The following COL11A1 variants were observed in gnomAD, a reference collection of about 807,000 sequenced individuals.
COL11A1 encodes collagen alpha-1(XI) chain.
Under a neutral mutation model 265.2 loss-of-function variants are expected in COL11A1, and 74 were observed. The ratio of observed to expected loss-of-function variants is 0.28; its 90% confidence interval spans 0.23 to 0.34. COL11A1 has a LOEUF of 0.34. Among genes scored for constraint, COL11A1 ranks in the 10% least tolerant of loss-of-function variants. The pLI, the probability that COL11A1 is intolerant of heterozygous loss-of-function variation, is 1.00. For missense variants in COL11A1, 2,165 were observed against 2,263.6 expected (o/e 0.96, Z 0.88); for synonymous variants, 816 against 727.6 (o/e 1.12, Z -1.96).
intron 11 of COL11A1, 117 bp downstream of exon 11, chr1:103,017,703 C>T: frequency 3.5e-6 from 3 of 862,834 alleles, no homozygotes; most frequent in Admixed American, 1.8e-5. Flanking sequence ...TGAATTCATG[C>T]TGCCTTTACC....
At chr1:102,950,864 G>T (rs1266367833) in intron 41 of COL11A1, among the ~76,000 whole-genome samples, 2 of 152,084 alleles carry the variant, frequency 1.3e-5, no homozygotes, top group Admixed American at 1.3e-4. Flanking sequence ...ATGGAATCAT[G>T]AGGTCAGTTT....
intron 4 of COL11A1, among the ~76,000 whole-genome samples, chr1:103,046,397 T>C (rs555189582): frequency 6.6e-6 from 1 of 151,734 alleles, no homozygotes; most frequent in African/African-American, 2.4e-5. Flanking sequence ...GCTGCATAAA[T>C]GTCTTGTTTT....
At chr1:103,007,017 T>A (rs1412161727) in intron 15 of COL11A1, among the ~76,000 whole-genome samples, 2 of 152,138 alleles carry the variant, frequency 1.3e-5, no homozygotes, top group East Asian at 3.9e-4. Context: ...TGGATGTTCT[T>A]TACTAGATAT....
At chr1:103,034,686 T>C (rs1361144796) in intron 4 of COL11A1, among the ~76,000 whole-genome samples, 1 of 152,086 alleles carries the variant, frequency 6.6e-6, no homozygotes, top group Non-Finnish European at 1.5e-5. Flanking sequence ...CCAATGTCTG[T>C]GCTTCTTCAA....
chr1:103,107,318 C>A lies in COL11A1; in HGVS notation c.106+755G>T, dbSNP rs1246319342. On this transcript the variant is annotated intron_variant, in intron 1 of 66. Coordinates refer to ENST00000370096, the MANE Select transcript of COL11A1 (RefSeq NM_001854.4). ...AATCCCTAGTCCTCCGCCCCCACCC[C>A]ATTTGCTTGGCGACTTTCATCATTC... 2.0e-5 allele frequency among the ~76,000 whole-genome samples: 3 copies of A among 151,894 alleles called. No homozygotes were observed. In the East Asian group the frequency reaches 5.9e-4, roughly 30 times the overall value.
chr1:103,107,945 G>A (rs1260152356), intron 1 of COL11A1, 128 bp downstream of exon 1: 2 of 739,102 alleles, frequency 2.7e-6, no homozygotes, highest in Non-Finnish European at 4.7e-6. Context: ...AATCTGGATT[G>A]TATTTAAGGG....
chr1:103,001,992 A>G, intron 23 of COL11A1, 23 bp from the exon 24 acceptor site: 1 of 1,588,426 alleles, frequency 6.3e-7, no homozygotes, highest in Non-Finnish European at 8.6e-7. Context: ...AATTTATTTC[A>G]TATATCAGAT....
In COL11A1 at chr1:102,879,658, G is replaced by T. The variant is rs368618420; in HGVS notation, c.5274+25C>A. The T allele has an allele frequency of 4.4e-6, 7 of 1,597,622 alleles. No individual in the cohort carries two copies. In the Admixed American group the frequency reaches 8.4e-5, roughly 19 times the overall value. On this transcript the variant is annotated intron_variant, in intron 66 of 66. Transcript: ENST00000370096. ...CATGCTGCCTATCATCTCTGTGAAG[G>T]GAGACAAGCAGAACTTATACTCACC...
chr1:102,999,783 C>G (rs748720510), intron 24 of COL11A1, among the ~76,000 whole-genome samples: 1 of 151,880 alleles, frequency 6.6e-6, no homozygotes, highest in East Asian at 1.9e-4. Context: ...ACCAAATTTT[C>G]GAAGCGAAGG....
intron 31 of COL11A1, among the ~76,000 whole-genome samples, chr1:102,983,829 G>A (rs528175779): frequency 4.0e-5 from 6 of 149,364 alleles, no homozygotes; most frequent in Middle Eastern, 3.4e-3. Flanking sequence ...ATCAAAAGCC[G>A]TTATGCATCA....
chr1:103,094,777 CTG>C (rs1417877324), intron 1 of COL11A1, among the ~76,000 whole-genome samples: 1 of 151,944 alleles, frequency 6.6e-6, no homozygotes, highest in Non-Finnish European at 1.5e-5. Context: ...TATTAATCAA[CTG>C]TTTATTTTGT....
intron 1 of COL11A1, among the ~76,000 whole-genome samples, chr1:103,102,130 T>C (rs1422500165): frequency 6.6e-6 from 1 of 152,020 alleles, no homozygotes; most frequent in Non-Finnish European, 1.5e-5. Flanking sequence ...AGTGAACATA[T>C]AAAAGAATAC....
chr1:102,996,278 A>G (rs1664619495), intron 26 of COL11A1, among the ~76,000 whole-genome samples: 2 of 152,106 alleles, frequency 1.3e-5, no homozygotes. Flanking sequence ...TAAAAATACA[A>G]TATTGAAATG....
intron 4 of COL11A1, among the ~76,000 whole-genome samples, chr1:103,047,042 T>C (rs188682748): frequency 0.041 from 6,252 of 152,264 alleles, 222 homozygotes; most frequent in African/African-American, 0.092. Flanking sequence ...GGTAGTGGGA[T>C]GCCTCCAGCT....
rs1671837190 is a variant in COL11A1 at position 103,074,705 on chromosome 1, T to A, written c.564A>T (p.Lys188Asn). 6.2e-7 allele frequency: 1 copy of A among 1,613,388 alleles called. No individual in the cohort carries two copies. The highest frequency in any genetic ancestry group is 1.3e-5 in the African/African-American group (1 of 75,000). Residue 188 changes from lysine (K) to asparagine (N), a missense_variant, in exon 4 of 67, where the codon AAA becomes AAT. By Grantham distance (94) the Lys-to-Asn change is moderately conservative (BLOSUM62 0). Transcript: ENST00000370096. ...MIVDCKKKTT[K>N]PLDRSERAIV... ...TTGCTCTCTCACTTCTATCAAGTGG[T>A]TTCGTGGTTTTCTTCTTACAATCAA...
intron 30 of COL11A1, among the ~76,000 whole-genome samples, chr1:102,986,875 T>C (rs1345066109): frequency 6.6e-6 from 1 of 152,190 alleles, no homozygotes; most frequent in Admixed American, 6.5e-5. Context: ...TTTTAAAACA[T>C]ATTGATATTG....
At chr1:103,099,728 G>A (rs989353097) in intron 1 of COL11A1, among the ~76,000 whole-genome samples, 1 of 151,810 alleles carries the variant, frequency 6.6e-6, no homozygotes, top group African/African-American at 2.4e-5. Context: ...ACAAAACAAA[G>A]TTTTGGAGGT....
intron 63 of COL11A1, 95 bp from the exon 64 acceptor site, chr1:102,883,406 A>C (rs538741278): frequency 1.2e-6 from 1 of 810,522 alleles, no homozygotes; most frequent in African/African-American, 1.7e-5. Context: ...GAAATAAGGA[A>C]AATACATATT....
At chr1:102,945,666 A>G (rs1659187364) in intron 42 of COL11A1, among the ~76,000 whole-genome samples, 1 of 152,142 alleles carries the variant, frequency 6.6e-6, no homozygotes, top group South Asian at 2.1e-4. Flanking sequence ...TTTTATCTAC[A>G]TTTACTGAAA....
Sources: gnomAD v4.1 joint callset for allele counts (sites outside exome capture counted in the v4.1 genomes callset) on GRCh38, gnomAD v4.1.1 for gene constraint, MANE v1.5 for transcripts, NCBI Gene and HGNC (gene_info 2026-07-23, HGNC 2026-07-21) for gene names.